The following COL23A1 variants were observed in gnomAD, a reference collection of about 807,000 sequenced individuals.
The protein encoded by COL23A1 is collagen type XXIII alpha 1 chain.
Under a neutral mutation model 99.3 loss-of-function variants are expected in COL23A1, and 97 were observed. The ratio of observed to expected loss-of-function variants is 0.98; its 90% CI spans 0.83 to 1.16. The LOEUF (loss-of-function observed/expected upper bound fraction) is 1.16. Among genes scored for constraint, COL23A1 ranks in the 50% most tolerant of loss-of-function variants. The pLI is 0.00. For missense variants in COL23A1, 762 were observed against 757.4 expected, an observed-to-expected ratio of 1.01 and a Z score of -0.07; for synonymous variants, 320 against 308.2, an observed-to-expected ratio of 1.04 and a Z score of -0.40.
intron 2 of COL23A1, among the ~76,000 whole-genome samples, chr5:178,349,030 C>T (rs1400162457): frequency 6.6e-6 from 1 of 152,084 alleles, no homozygotes; most frequent in East Asian, 1.9e-4. Context: ...CAGAAGGCGG[C>T]ATTGTCTTCC....
Position 178,307,645 on chromosome 5 carries a change from C to CT in COL23A1, c.362-727dup, listed in dbSNP as rs1758436141. 6.6e-6 allele frequency among the ~76,000 whole-genome samples: 1 copy of CT among 152,236 alleles called. No individual in the cohort carries two copies. The highest frequency in any genetic ancestry group is 6.5e-5 in the Admixed American group (1 of 15,290). On this transcript the variant is annotated intron_variant, in intron 2 of 28. Coordinates refer to ENST00000390654, the MANE Select transcript of COL23A1 (RefSeq NM_173465.4). This position sits in a 1 kb window ranked among gnomAD's most constrained non-coding sequence, Gnocchi z 4.2. ...AGTAACCTCAGCGCTGAAGGAGACG[C>CT]TTTGACTCTGGCCGTGGGAGCAGAG...
At chr5:178,517,796 G>A (rs1562045139) in intron 2 of COL23A1, among the ~76,000 whole-genome samples, 2 of 149,328 alleles carry the variant, frequency 1.3e-5, no homozygotes, top group African/African-American at 4.9e-5. Context: ...TCCTGACCTC[G>A]TGATCCGCCC....
At chr5:178,283,712 T>C (rs1028941381) in intron 5 of COL23A1, among the ~76,000 whole-genome samples, 1 of 152,206 alleles carries the variant, frequency 6.6e-6, no homozygotes, top group African/African-American at 2.4e-5. Context: ...TAGGAGATGA[T>C]GAGAAAGTCT....
intron 2 of COL23A1, among the ~76,000 whole-genome samples, chr5:178,548,460 C>T (rs1414014261): frequency 1.3e-5 from 2 of 152,096 alleles, no homozygotes; most frequent in South Asian, 2.1e-4. Flanking sequence ...GGGAGTCACC[C>T]GATCTTCCCT....
At chr5:178,375,449 C>T (rs1057148955) in intron 2 of COL23A1, among the ~76,000 whole-genome samples, 1 of 152,234 alleles carries the variant, frequency 6.6e-6, no homozygotes, top group African/African-American at 2.4e-5. Context: ...GAACCTAAAT[C>T]AGAACTTGGC....
intron 1 of COL23A1, among the ~76,000 whole-genome samples, chr5:178,580,352 A>G (rs892945216): frequency 1.6e-4 from 25 of 151,944 alleles, no homozygotes; most frequent in African/African-American, 5.8e-4. Context: ...GAAAGAAAGA[A>G]ACTAGAGGAC....
chr5:178,338,792 G>A (rs1182577261), intron 2 of COL23A1, among the ~76,000 whole-genome samples: 1 of 152,214 alleles, frequency 6.6e-6, no homozygotes, highest in Non-Finnish European at 1.5e-5. Context: ...TCAGAAGAGA[G>A]GGCGACCAAG....
rs549871576 is a variant in COL23A1 at position 178,538,167 on chromosome 5, C to G, written c.361+22515G>C. Among the ~76,000 whole-genome samples the G allele has an allele frequency of 7.2e-5, 11 of 152,310 alleles. No individual in the cohort carries two copies. The South Asian group carries it at 2.3e-3, about 32-fold the overall frequency. On this transcript the variant is annotated intron_variant, in intron 2 of 28. Coordinates refer to ENST00000390654, the MANE Select transcript of COL23A1 (RefSeq NM_173465.4). ...GGAGCTGAAGGGGAGATGTTCCTCC[C>G]TCCTCCTCACACAAGAGCCCCAGAG...
rs901704093 is a variant in COL23A1 at position 178,313,079 on chromosome 5, G to A, written c.362-6160C>T. Among the ~76,000 whole-genome samples the A allele has an allele frequency of 6.6e-6, 1 of 152,188 alleles. No homozygotes were observed. The highest frequency in any genetic ancestry group is 2.4e-5 in the African/African-American group (1 of 41,454). On this transcript the variant is annotated intron_variant, in intron 2 of 28. Coordinates refer to ENST00000390654, the MANE Select transcript of COL23A1 (RefSeq NM_173465.4). The surrounding 1 kb of genome is among the most constrained non-coding windows in gnomAD (Gnocchi z 4.2). ...CCTGGAGGACGTCACGCGATGGGAAGTAAGCCAGACACAGAAAGACAAATA... is the reference window on the plus strand; with the variant it reads ...CCTGGAGGACGTCACGCGATGGGAAATAAGCCAGACACAGAAAGACAAATA...
chr5:178,490,097 G>A (rs192155647), intron 2 of COL23A1, among the ~76,000 whole-genome samples: 334 of 152,170 alleles, frequency 2.2e-3, no homozygotes, highest in African/African-American at 7.7e-3. Context: ...TTAGCTGGGT[G>A]TGGTGGTGGG....
In COL23A1 at chr5:178,288,314, G is replaced by A; in HGVS notation, c.441+10C>T. 5 of 1,605,040 alleles carry A rather than the reference G, an allele frequency of 3.1e-6. No individual in the cohort carries two copies. The highest frequency in any genetic ancestry group is 4.3e-6 in the Non-Finnish European group (5 of 1,171,604). ...GGGTGAAGAGAGCAAAAAAATAAAT[G>A]ACAAATTACCGGGTAGCCATCTCGT... On this transcript the variant is annotated intron_variant, in intron 5 of 28. Coordinates refer to ENST00000390654, the MANE Select transcript of COL23A1 (RefSeq NM_173465.4).
chr5:178,420,225 A>G (rs1383300152), intron 2 of COL23A1, among the ~76,000 whole-genome samples: 1 of 151,958 alleles, frequency 6.6e-6, no homozygotes, highest in African/African-American at 2.4e-5. Context: ...CTCTTCTATG[A>G]AATGGGGGGA....
rs1314782769 is a variant in COL23A1, at chr5:178,574,325, T to C, written c.295-13577A>G. On this transcript the variant is annotated intron_variant, in intron 1 of 28. Transcript: ENST00000390654. ...ATTGGAGATGCTGGTCATGGGCGCA[T>C]ATATTTGTCAACATCCATCTAACTC... is the stretch of plus-strand genomic sequence containing the variant. Among the ~76,000 whole-genome samples the C allele has an allele frequency of 4.6e-5, 7 of 152,324 alleles. No individual in the cohort carries two copies. The East Asian group carries it at 7.7e-4, about 17-fold the overall frequency.
chr5:178,576,791 G>A (rs1763386038), intron 1 of COL23A1, among the ~76,000 whole-genome samples: 2 of 152,000 alleles, frequency 1.3e-5, no homozygotes, highest in African/African-American at 4.8e-5. Flanking sequence ...TCTCGGTCCT[G>A]TCCTCCGAGG....
chr5:178,565,689 C>T (rs2113614292), intron 1 of COL23A1, among the ~76,000 whole-genome samples: 1 of 152,222 alleles, frequency 6.6e-6, no homozygotes, highest in South Asian at 2.1e-4. Flanking sequence ...TTATTACACC[C>T]ATTTACAGAT....
intron 2 of COL23A1, among the ~76,000 whole-genome samples, chr5:178,551,134 A>ATATATTAATATATTATATGTTATATAT (rs1761977278): frequency 1.5e-5 from 2 of 137,650 alleles, no homozygotes; most frequent in Non-Finnish European, 3.1e-5. Flanking sequence ...ATTTTAAAAT[A>ATATATTAATATATTATATGTTATATAT]TATATTAATA....
At chr5:178,516,351 G>A (rs1032238518) in intron 2 of COL23A1, among the ~76,000 whole-genome samples, 2 of 152,120 alleles carry the variant, frequency 1.3e-5, no homozygotes, top group Admixed American at 6.5e-5. Flanking sequence ...CATCCCACCC[G>A]CACCCAGCTC....
At chr5:178,270,850 C>T (rs1201953731) in intron 5 of COL23A1, among the ~76,000 whole-genome samples, 1 of 152,232 alleles carries the variant, frequency 6.6e-6, no homozygotes, top group Non-Finnish European at 1.5e-5. Flanking sequence ...AGAAAGACAG[C>T]GTCGAGGGCC....
At chr5:178,286,513 G>A (rs1395010578) in intron 5 of COL23A1, among the ~76,000 whole-genome samples, 1 of 151,728 alleles carries the variant, frequency 6.6e-6, no homozygotes, top group Non-Finnish European at 1.5e-5. Flanking sequence ...ATGGCCCCAG[G>A]GACAGCAGCC....
Sources: gnomAD v4.1 joint callset for allele counts (sites outside exome capture counted in the v4.1 genomes callset) on GRCh38, gnomAD v4.1.1 for gene constraint, Gnocchi (gnomAD v3.1) non-coding constraint, MANE v1.5 for transcripts, NCBI Gene and HGNC (gene_info 2026-07-23, HGNC 2026-07-21) for gene names.